The following ANK3 variants were observed in gnomAD, a reference collection of about 807,000 sequenced individuals.
ANK3 encodes ankyrin-3.
A neutral mutation model predicts 370.9 loss-of-function variants in ANK3; 57 were observed. The observed-to-expected ratio is 0.15, with a 90% CI of 0.12 to 0.19. The LOEUF (loss-of-function observed/expected upper bound fraction) is 0.19, where lower values mean the gene tolerates loss of function less well. ANK3 is among the 10% of genes least tolerant of loss of function. ANK3 has a pLI of 1.00. For missense variants in ANK3, 4,439 were observed against 5,302.1 expected, an observed-to-expected ratio of 0.84 and a Z score of 5.06; for synonymous variants, 1,929 against 1,946.3, an observed-to-expected ratio of 0.99 and a Z score of 0.23.
At chr10:60,297,224 T>G (rs2042719920) in intron 1 of ANK3, among the ~76,000 whole-genome samples, 1 of 152,174 alleles carries the variant, frequency 6.6e-6, no homozygotes. Flanking sequence ...TTCAAACTGG[T>G]TGCCATCACT....
At chr10:60,163,226 A>C (rs1340339008) in intron 23 of ANK3, among the ~76,000 whole-genome samples, 2 of 152,166 alleles carry the variant, frequency 1.3e-5, no homozygotes, top group East Asian at 3.9e-4. Context: ...TCAAGATACT[A>C]GTTTTGTACG....
intron 38 of ANK3, among the ~76,000 whole-genome samples, chr10:60,066,536 A>G (rs1033627316): frequency 3.2e-4 from 27 of 85,458 alleles, no homozygotes; most frequent in African/African-American, 1.2e-3. Flanking sequence ...AACCATTAGC[A>G]GTATACCTGA....
At chr10:60,403,784 A>G (rs988852574) in intron 2 of ANK3, among the ~76,000 whole-genome samples, 9 of 152,216 alleles carry the variant, frequency 5.9e-5, no homozygotes, top group Non-Finnish European at 1.0e-4. Context: ...GAGAGCCACA[A>G]GATTGGAGAG....
chr10:60,122,045 A>G (rs574772718), intron 25 of ANK3, among the ~76,000 whole-genome samples: 2 of 152,332 alleles, frequency 1.3e-5, no homozygotes, highest in South Asian at 2.1e-4. Context: ...CCTGGGCTCA[A>G]TGGAAAAGCT....
At position 60,068,361 on chromosome 10, in the gene ANK3, A is replaced by G. The variant is rs192751705; in HGVS notation, c.12244+276T>C. 3.9e-5 allele frequency among the ~76,000 whole-genome samples: 6 copies of G among 152,342 alleles called. No individual in the cohort carries two copies. In the East Asian group the frequency reaches 1.2e-3, roughly 29 times the overall value. ...CATATCCATTAGCACATTAAAAAAG[A>G]AAAAAGAAGGTTGTTCATCTTGAAT... is the stretch of plus-strand genomic sequence containing the variant. On this transcript the variant is annotated intron_variant, in intron 37 of 43. Coordinates refer to ENST00000280772, the MANE Select transcript of ANK3 (RefSeq NM_020987.5).
chr10:60,716,988 C>T (rs931258607), intron 1 of ANK3, among the ~76,000 whole-genome samples: 45 of 152,332 alleles, frequency 3.0e-4, no homozygotes, highest in South Asian at 2.1e-4. Flanking sequence ...GCTACTTATA[C>T]AGCCAGTGAT....
intron 43 of ANK3, among the ~76,000 whole-genome samples, chr10:60,042,235 C>T (rs1012793643): frequency 1.9e-4 from 29 of 152,144 alleles, no homozygotes; most frequent in African/African-American, 6.3e-4. Flanking sequence ...TGGAAAGTCA[C>T]TTATTTCAAC....
intron 2 of ANK3, among the ~76,000 whole-genome samples, chr10:60,453,208 G>T (rs1185614703): frequency 6.6e-6 from 1 of 152,128 alleles, no homozygotes; most frequent in Non-Finnish European, 1.5e-5. Context: ...CCTGCATAAG[G>T]AATCAATAAT....
At position 60,609,288 on chromosome 10, in the gene ANK3, C is replaced by G. The variant is rs528437519; in HGVS notation, c.96+5898G>C. Among the ~76,000 whole-genome samples, 154 of 152,132 alleles carry G rather than the reference C, an allele frequency of 1.0e-3. 1 individual carries two copies. The highest frequency in any genetic ancestry group is 2.1e-3 in the Non-Finnish European group (140 of 68,022). ...GAGTAACTAGCCAGCCAGACTCCAACCAAGTCATTGTCATTGCAGAGCTCT... is the reference window on the plus strand; with the variant it reads ...GAGTAACTAGCCAGCCAGACTCCAAGCAAGTCATTGTCATTGCAGAGCTCT... On this transcript the variant is annotated intron_variant, in intron 2 of 43. Coordinates refer to the ANK3 transcript ENST00000373827.
At chr10:60,336,417 T>C (rs2052899850) in intron 1 of ANK3, among the ~76,000 whole-genome samples, 1 of 152,188 alleles carries the variant, frequency 6.6e-6, no homozygotes, top group Admixed American at 6.5e-5. Flanking sequence ...GAATGTAAAC[T>C]GTAAGCCCTG....
intron 1 of ANK3, among the ~76,000 whole-genome samples, chr10:60,673,685 G>T (rs1411972874): frequency 6.6e-6 from 1 of 152,104 alleles, no homozygotes; most frequent in African/African-American, 2.4e-5. Context: ...TCTCACAAGT[G>T]TTCACGGTAA....
At chr10:60,430,498 G>A (rs1443997265) in intron 2 of ANK3, among the ~76,000 whole-genome samples, 1 of 151,492 alleles carries the variant, frequency 6.6e-6, no homozygotes, top group African/African-American at 2.4e-5. Context: ...GGTTAAATTC[G>A]GGGTGACGAT....
At chr10:60,585,696 A>G (rs2077820982) in intron 2 of ANK3, among the ~76,000 whole-genome samples, 1 of 152,172 alleles carries the variant, frequency 6.6e-6, no homozygotes, top group South Asian at 2.1e-4. Flanking sequence ...AACTAACTGG[A>G]AGAATATAGA....
intron 13 of ANK3, among the ~76,000 whole-genome samples, chr10:60,199,500 T>G (rs1315281276): frequency 6.6e-6 from 1 of 152,164 alleles, no homozygotes; most frequent in Non-Finnish European, 1.5e-5. Context: ...ACCCCTTACT[T>G]GAAACTAGAG....
At chr10:60,351,368 T>C (rs2056833080) in intron 1 of ANK3, among the ~76,000 whole-genome samples, 1 of 152,224 alleles carries the variant, frequency 6.6e-6, no homozygotes, top group South Asian at 2.1e-4. Flanking sequence ...CCATAACCAG[T>C]CAATAACCCC....
At chr10:60,340,394 C>A (rs1442932902) in intron 1 of ANK3, among the ~76,000 whole-genome samples, 1 of 151,942 alleles carries the variant, frequency 6.6e-6, no homozygotes, top group Middle Eastern at 3.2e-3. Flanking sequence ...ATATCCAGGG[C>A]CAGCTAATTT....
intron 9 of ANK3, among the ~76,000 whole-genome samples, chr10:60,209,291 G>A (rs953847323): frequency 3.3e-5 from 5 of 152,186 alleles, no homozygotes; most frequent in African/African-American, 1.2e-4. Context: ...GACAATGACA[G>A]ATCAAATATG....
At chr10:60,699,183 T>C (rs915698020) in intron 1 of ANK3, among the ~76,000 whole-genome samples, 1 of 151,902 alleles carries the variant, frequency 6.6e-6, no homozygotes, top group Non-Finnish European at 1.5e-5. Flanking sequence ...CAGTGTGTAC[T>C]GCTCGGGTGA....
intron 1 of ANK3, among the ~76,000 whole-genome samples, chr10:60,358,859 A>T (rs1195581714): frequency 3.3e-5 from 5 of 151,716 alleles, no homozygotes; most frequent in Non-Finnish European, 5.9e-5. Flanking sequence ...TTTGGAAAAG[A>T]TTTTTTATTT....
Sources: allele counts gnomAD v4.1 joint callset (sites outside exome capture counted in the v4.1 genomes callset), GRCh38; gene constraint gnomAD v4.1.1; transcripts MANE v1.5; gene names NCBI Gene and HGNC (gene_info 2026-07-23, HGNC 2026-07-21).